The following CDH18 variants were observed in gnomAD, a reference collection of about 807,000 sequenced individuals.
CDH18 encodes cadherin 18.
Under a neutral mutation model 67.9 loss-of-function variants are expected in CDH18, and 31 were observed. That is an observed-to-expected ratio of 0.46 (90% CI 0.34 to 0.62). CDH18 has a LOEUF of 0.62. Among genes scored for constraint, CDH18 ranks in the 20% least tolerant of loss-of-function variants. The pLI, the probability that CDH18 is intolerant of heterozygous loss-of-function variation, is 0.01. For synonymous variants in CDH18, 362 were observed against 347.2 expected (o/e 1.04, Z -0.48); for missense variants, 890 against 975.5 (o/e 0.91, Z 1.17).
At chr5:20,338,478 T>C (rs1454222895) in intron 1 of CDH18, among the ~76,000 whole-genome samples, 2 of 152,168 alleles carry the variant, frequency 1.3e-5, no homozygotes, top group Admixed American at 6.6e-5. Context: ...CTCCGGCCTC[T>C]CATCAGGGAC....
intron 9 of CDH18, among the ~76,000 whole-genome samples, chr5:19,527,289 G>A (rs1406406194): frequency 2.0e-5 from 3 of 151,272 alleles, no homozygotes; most frequent in Admixed American, 1.3e-4. Flanking sequence ...TTAAGTTTTA[G>A]TTAAAAAAAA....
At chr5:19,821,281 G>C (rs545874114) in intron 3 of CDH18, among the ~76,000 whole-genome samples, 1 of 152,066 alleles carries the variant, frequency 6.6e-6, no homozygotes, top group East Asian at 1.9e-4. Context: ...CATTGAAAAA[G>C]GTACTACAGG....
chr5:20,377,552 A>T (rs1743563042), intron 1 of CDH18, among the ~76,000 whole-genome samples: 1 of 152,198 alleles, frequency 6.6e-6, no homozygotes. Context: ...ACGTTAAATA[A>T]ATGTCATCAT....
At chr5:20,243,458 T>C (rs1305473158) in intron 2 of CDH18, among the ~76,000 whole-genome samples, 2 of 152,160 alleles carry the variant, frequency 1.3e-5, no homozygotes, top group African/African-American at 4.8e-5. Flanking sequence ...GAAATTTATA[T>C]CTAAATAAAT....
At chr5:19,759,909 T>C (rs1772115876) in intron 3 of CDH18, among the ~76,000 whole-genome samples, 1 of 152,182 alleles carries the variant, frequency 6.6e-6, no homozygotes, top group South Asian at 2.1e-4. Flanking sequence ...TGAGGGGCCA[T>C]GATTCTATTT....
At chr5:20,034,042 G>A (rs1344712498) in intron 2 of CDH18, among the ~76,000 whole-genome samples, 1 of 152,034 alleles carries the variant, frequency 6.6e-6, no homozygotes, top group Non-Finnish European at 1.5e-5. Flanking sequence ...CAATAAAACA[G>A]ATGGCAGTGG....
intron 1 of CDH18, among the ~76,000 whole-genome samples, chr5:20,542,512 C>T (rs1224658417): frequency 2.0e-5 from 3 of 150,972 alleles, no homozygotes; most frequent in Admixed American, 6.6e-5. Flanking sequence ...ATATATTGTG[C>T]GTATGCATAT....
At chr5:20,054,399 T>C (rs1056108405) in intron 2 of CDH18, among the ~76,000 whole-genome samples, 6 of 152,174 alleles carry the variant, frequency 3.9e-5, no homozygotes, top group Admixed American at 1.3e-4. Context: ...TTTTCTTCCT[T>C]TTCCTTTGTA....
At chr5:20,496,971 G>A (rs1223178623) in intron 1 of CDH18, among the ~76,000 whole-genome samples, 1 of 151,996 alleles carries the variant, frequency 6.6e-6, no homozygotes, top group East Asian at 1.9e-4. Flanking sequence ...AGTGGAGGGT[G>A]GGGCAAAATT....
intron 1 of CDH18, among the ~76,000 whole-genome samples, chr5:20,334,866 T>A (rs1346444740): frequency 3.9e-5 from 6 of 152,024 alleles, no homozygotes; most frequent in African/African-American, 1.5e-4. Context: ...CCTCTCTTTT[T>A]CTCTCAACAT....
At chr5:19,767,894 T>C (rs1385693824) in intron 3 of CDH18, among the ~76,000 whole-genome samples, 2 of 152,124 alleles carry the variant, frequency 1.3e-5, no homozygotes, top group Non-Finnish European at 2.9e-5. Flanking sequence ...GAAAGAAATG[T>C]ATATAAGAAA....
chr5:20,056,382 T>TG lies in CDH18; in HGVS notation c.-517-64369dup, dbSNP rs149440775. 0.019 allele frequency among the ~76,000 whole-genome samples: 2,901 copies of TG among 149,014 alleles called. 189 individuals are homozygous for TG. The East Asian group carries it at 0.25, about 13-fold the overall frequency. ...CTTTCACAATCAGGAATGGACAAGCTGTTTTTTTTGTTTGTTTGTTTGTTT... is the reference window on the plus strand; with the variant it reads ...CTTTCACAATCAGGAATGGACAAGCTGGTTTTTTTTGTTTGTTTGTTTGTTT... On this transcript the variant is annotated intron_variant, in intron 2 of 14. Transcript: ENST00000507958.
chr5:19,980,419 ACT>A (rs1204971746), intron 2 of CDH18, among the ~76,000 whole-genome samples: 2 of 152,142 alleles, frequency 1.3e-5, no homozygotes, highest in Admixed American at 6.5e-5. Context: ...AAGGAAATAC[ACT>A]CTTTATACCT....
At chr5:19,691,724 A>C (rs1761913267) in intron 5 of CDH18, among the ~76,000 whole-genome samples, 1 of 151,928 alleles carries the variant, frequency 6.6e-6, no homozygotes, top group Non-Finnish European at 1.5e-5. Context: ...AAAATACATT[A>C]TAGTAGACAC....
At chr5:20,480,765 T>G (rs1163433074) in intron 1 of CDH18, among the ~76,000 whole-genome samples, 1 of 152,198 alleles carries the variant, frequency 6.6e-6, no homozygotes, top group African/African-American at 2.4e-5. Flanking sequence ...CAATCAGCAT[T>G]ACTTTTTCAT....
chr5:19,518,928 C>T (rs1384674966), intron 10 of CDH18, among the ~76,000 whole-genome samples: 1 of 152,110 alleles, frequency 6.6e-6, no homozygotes. Context: ...CTAAAAGAAA[C>T]CTAATTTAGG....
chr5:20,534,403 T>C (rs1339399059), intron 1 of CDH18, among the ~76,000 whole-genome samples: 1 of 152,054 alleles, frequency 6.6e-6, no homozygotes, highest in African/African-American at 2.4e-5. Context: ...TCAAATAATA[T>C]ATTTTTGAAA....
chr5:20,570,871 GCA>G (rs1456194707), intron 1 of CDH18, among the ~76,000 whole-genome samples: 1 of 152,098 alleles, frequency 6.6e-6, no homozygotes, highest in Non-Finnish European at 1.5e-5. Context: ...CCAATCATAT[GCA>G]CACATAGTTT....
intron 1 of CDH18, among the ~76,000 whole-genome samples, chr5:20,446,507 C>T (rs190637116): frequency 3.3e-5 from 5 of 152,216 alleles, no homozygotes; most frequent in Non-Finnish European, 2.9e-5. Flanking sequence ...TGTCAGCAGT[C>T]ACCAAGAAAA....
Sources: allele counts gnomAD v4.1 joint callset (sites outside exome capture counted in the v4.1 genomes callset), GRCh38; gene constraint gnomAD v4.1.1; transcripts MANE v1.5; gene names NCBI Gene and HGNC (gene_info 2026-07-23, HGNC 2026-07-21).